ABHD12: variants seen among roughly 807,000 people sequenced by gnomAD.
ABHD12 encodes lysophosphatidylserine lipase ABHD12.
A neutral mutation model predicts 58.3 loss-of-function variants in ABHD12; 43 were observed. That is an observed-to-expected ratio of 0.74 (90% CI 0.58 to 0.95). The LOEUF (loss-of-function observed/expected upper bound fraction) is 0.95. Among genes scored for constraint, ABHD12 ranks in the 40% least tolerant of loss-of-function variants. ABHD12 has a pLI of 0.00. For missense variants in ABHD12, 539 were observed against 537.2 expected (o/e 1.00, Z -0.03); for synonymous variants, 219 against 211.2 (o/e 1.04, Z -0.32).
At chr20:25,344,938 G>C (rs1190837352) in intron 1 of ABHD12, among the ~76,000 whole-genome samples, 1 of 152,052 alleles carries the variant, frequency 6.6e-6, no homozygotes, top group Non-Finnish European at 1.5e-5. Flanking sequence ...CTGTACATTC[G>C]TATGGAAAAA....
At position 25,379,130 on chromosome 20, in the gene ABHD12, T is replaced by C. The variant is rs550863667; in HGVS notation, c.191+11383A>G. ...TCAAACCCAGCCCTGAGACCCTCCATGCTGGGATGTGTGCAGGGACCCCGT... is the reference window on the plus strand; with the variant it reads ...TCAAACCCAGCCCTGAGACCCTCCACGCTGGGATGTGTGCAGGGACCCCGT... On this transcript the variant is annotated intron_variant, in intron 1 of 12. Transcript: ENST00000339157. Among the ~76,000 whole-genome samples the C allele has an allele frequency of 3.3e-5, 5 of 152,298 alleles. No homozygotes were observed. The East Asian group carries it at 7.7e-4, about 23-fold the overall frequency.
intron 1 of ABHD12, among the ~76,000 whole-genome samples, chr20:25,347,976 C>T (rs987691459): frequency 6.6e-6 from 1 of 150,582 alleles, no homozygotes; most frequent in Non-Finnish European, 1.5e-5. Context: ...CTTTGGGAGG[C>T]CTAGGTGGGC....
At chr20:25,341,233 G>A (rs577124613) in intron 1 of ABHD12, among the ~76,000 whole-genome samples, 1 of 152,220 alleles carries the variant, frequency 6.6e-6, no homozygotes, top group Admixed American at 6.5e-5. Flanking sequence ...GCCATGGCAG[G>A]CTTGGTGAGA....
chr20:25,301,007 A>G (rs2088626179), intron 12 of ABHD12, 123 bp from the exon 13 acceptor site: 4 of 1,009,646 alleles, frequency 4.0e-6, no homozygotes, highest in Non-Finnish European at 3.0e-6. Context: ...CAAGAGCCCC[A>G]TGAGGATGCG....
chr20:25,355,200 C>T (rs1487492316), intron 1 of ABHD12, among the ~76,000 whole-genome samples: 9 of 152,148 alleles, frequency 5.9e-5, no homozygotes, highest in Admixed American at 3.9e-4. Context: ...TCCATCCTGA[C>T]GACCTGCAGG....
At chr20:25,342,205 A>G (rs1473848221) in intron 1 of ABHD12, among the ~76,000 whole-genome samples, 1 of 152,140 alleles carries the variant, frequency 6.6e-6, no homozygotes, top group Non-Finnish European at 1.5e-5. Flanking sequence ...TAAACAAACC[A>G]TGGTATGCCC....
chr20:25,356,513 G>C (rs1383570447), intron 1 of ABHD12, among the ~76,000 whole-genome samples: 1 of 152,248 alleles, frequency 6.6e-6, no homozygotes, highest in Non-Finnish European at 1.5e-5. Context: ...CAGCTGGGCA[G>C]GGAGTGTGGC....
At chr20:25,366,269 G>GTCTTT (rs1234014290) in intron 1 of ABHD12, among the ~76,000 whole-genome samples, 1 of 150,076 alleles carries the variant, frequency 6.7e-6, no homozygotes, top group South Asian at 2.1e-4. Flanking sequence ...TTTATTCTAA[G>GTCTTT]TCTTTTCTTT....
chr20:25,342,439 C>T (rs1414265548), intron 1 of ABHD12, among the ~76,000 whole-genome samples: 1 of 149,590 alleles, frequency 6.7e-6, no homozygotes, highest in Admixed American at 6.8e-5. Context: ...CTTTACTGCA[C>T]TTTGCAGATA....
chr20:25,387,589 T>TAAAAAAAAAAAAAAAAAAAAAA (rs779293077), intron 1 of ABHD12, among the ~76,000 whole-genome samples: 2 of 85,222 alleles, frequency 2.3e-5, no homozygotes, highest in East Asian at 1.5e-3. Flanking sequence ...TTCATCTCTA[T>TAAAAAAAAAAAAAAAAAAAAAA]TAAAAAAAAA....
intron 4 of ABHD12, among the ~76,000 whole-genome samples, 181 bp downstream of exon 4, chr20:25,320,018 T>G (rs570502525): frequency 6.6e-6 from 1 of 152,350 alleles, no homozygotes; most frequent in South Asian, 2.1e-4. Context: ...CCTCAACCCC[T>G]TCAGAACTCT....
intron 12 of ABHD12, chr20:25,295,033 G>A (rs745651461): frequency 6.2e-7 from 1 of 1,614,208 alleles, no homozygotes; most frequent in Non-Finnish European, 8.5e-7. Flanking sequence ...GCTGAGGTCT[G>A]TGATAAAGGA....
chr20:25,372,468 G>C (rs1323019083), intron 1 of ABHD12, among the ~76,000 whole-genome samples: 2 of 152,132 alleles, frequency 1.3e-5, no homozygotes, highest in African/African-American at 4.8e-5. Context: ...GCCTCCCAAA[G>C]TGTTTGGATT....
intron 1 of ABHD12, among the ~76,000 whole-genome samples, chr20:25,389,466 A>T (rs926773799): frequency 3.3e-5 from 5 of 152,194 alleles, no homozygotes; most frequent in Non-Finnish European, 7.3e-5. Flanking sequence ...GTCAAAAAAG[A>T]AGTGCCTCTG....
At chr20:25,295,512 G>C (rs546962344), downstream of ABHD12, 2 of 1,423,540 alleles carry the variant, frequency 1.4e-6, no homozygotes, top group African/African-American at 2.8e-5. Context: ...CAGGTGGATG[G>C]TGCCTGGCCT....
At chr20:25,368,606 T>C in intron 1 of ABHD12, 1 of 1,390,578 alleles carries the variant, frequency 7.2e-7, no homozygotes, top group South Asian at 1.2e-5. Context: ...GGAATAATTC[T>C]GTGAAAGCGG....
rs756681155 is a variant in ABHD12, at chr20:25,302,265, T to C, written c.1111A>G (p.Arg371Gly). 1.2e-6 allele frequency: 2 copies of C among 1,613,822 alleles called. No individual in the cohort carries two copies. The highest frequency in any genetic ancestry group is 2.2e-5 in the South Asian group (2 of 91,060). ...FVPFHSDLGY[R>G]HKYIYKSPEL... ...GGGCTCTTGTAAATGTATTTGTGCCTGTAGCCAAGGTCTGAATGAAAGGGC... is the reference window on the plus strand; with the variant it reads ...GGGCTCTTGTAAATGTATTTGTGCCCGTAGCCAAGGTCTGAATGAAAGGGC... The change falls in exon 12 of 13, where the codon AGG becomes GGG. Residue 371 changes from arginine (R) to glycine (G), a missense_variant. Coordinates refer to ENST00000339157, the MANE Select transcript of ABHD12 (RefSeq NM_001042472.3).
chr20:25,307,419 G>A (rs754228869), intron 9 of ABHD12, among the ~76,000 whole-genome samples: 12 of 152,268 alleles, frequency 7.9e-5, no homozygotes, highest in Non-Finnish European at 1.8e-4. Flanking sequence ...GGGGAGCACA[G>A]GGATCACAAA....
In ABHD12 at chr20:25,359,281, G is replaced by A. The variant is rs557481620; in HGVS notation, c.192-19930C>T. ...CTAAAAATACAAAAAAAAATTAGCC[G>A]GGCGTGATGGCGGGCGCCTGTAGTC... On this transcript the variant is annotated intron_variant, in intron 1 of 12. Transcript: ENST00000339157. Among the ~76,000 whole-genome samples the A allele has an allele frequency of 4.6e-5, 7 of 150,574 alleles. No homozygotes were observed. The South Asian group carries it at 1.3e-3, about 27-fold the overall frequency.
Sources: allele counts gnomAD v4.1 joint callset (sites outside exome capture counted in the v4.1 genomes callset), GRCh38; gene constraint gnomAD v4.1.1; transcripts MANE v1.5; gene names NCBI Gene and HGNC (gene_info 2026-07-23, HGNC 2026-07-21).